Variants in IGSF23 observed in about 807,000 individuals in gnomAD.
The protein encoded by IGSF23 is immunoglobulin superfamily member 23, also known as immunoglobulin superfamily, member 23.
Under a neutral mutation model 17.8 loss-of-function variants are expected in IGSF23, and 14 were observed. The observed-to-expected ratio is 0.79, with a 90% CI of 0.52 to 1.23. The LOEUF is 1.23. Among genes scored for constraint, IGSF23 ranks in the 50% most tolerant of loss-of-function variants. The pLI is 0.00. For synonymous variants in IGSF23, 85 were observed against 92.5 expected (o/e 0.92, Z 0.46); for missense variants, 214 against 241.7 (o/e 0.89, Z 0.76).
At chr19:44,622,959 C>T (rs919663667) in intron 1 of IGSF23, among the ~76,000 whole-genome samples, 16 of 152,176 alleles carry the variant, frequency 1.1e-4, no homozygotes, top group African/African-American at 3.9e-4. Flanking sequence ...CGGGTTTACC[C>T]CACCCCCAGT....
At chr19:44,615,538 G>C (rs1211628096) in intron 1 of IGSF23, among the ~76,000 whole-genome samples, 1 of 151,680 alleles carries the variant, frequency 6.6e-6, no homozygotes, top group African/African-American at 2.4e-5. Flanking sequence ...CAGGAGAATT[G>C]CTTGAACCCA....
chr19:44,613,666 C>T lies in IGSF23; in HGVS notation c.21C>T (p.Ser7=), dbSNP rs955921207. 1.9e-5 allele frequency: 30 copies of T among 1,549,168 alleles called. No homozygotes were observed. Among genetic ancestry groups the T allele is most frequent in the African/African-American group, 2.7e-5 (2 of 73,030 alleles). ...AGAGAATGAGAGCAAAACCTCAGAG[C>T]CCCCTTCCCAGGAACCCTGTCCCAG... is the stretch of plus-strand genomic sequence containing the variant. The part of the protein sequence containing the change: MRAKPQ[S]PLPRNPVPAW... The change falls in exon 1 of 5, where the codon AGC becomes AGT. Residue 7 remains serine (S), a synonymous_variant. Coordinates refer to ENST00000402988, the MANE Select transcript of IGSF23 (RefSeq NM_001205280.2).
chr19:44,614,068 C>A, intron 1 of IGSF23: 1 of 1,215,598 alleles, frequency 8.2e-7, no homozygotes, highest in South Asian at 1.3e-5. Flanking sequence ...AAGTCACCCC[C>A]ACTCAGAGCT....
intron 3 of IGSF23, among the ~76,000 whole-genome samples, chr19:44,633,088 C>T (rs1156242322): frequency 6.6e-6 from 1 of 152,174 alleles, no homozygotes; most frequent in East Asian, 1.9e-4. Flanking sequence ...ATTACTAGAC[C>T]CATCTGTAAA....
At chr19:44,623,026 T>C (rs1474512173) in intron 1 of IGSF23, among the ~76,000 whole-genome samples, 4 of 152,096 alleles carry the variant, frequency 2.6e-5, no homozygotes, top group African/African-American at 7.2e-5. Flanking sequence ...CTATATATAC[T>C]TGTCAGTTTG....
intron 1 of IGSF23, chr19:44,618,164 C>T: frequency 4.2e-6 from 2 of 471,148 alleles, no homozygotes; most frequent in South Asian, 3.1e-5. Context: ...GAGCCAGTGT[C>T]CATCTTCCTG....
chr19:44,613,961 A>G lies in IGSF23; in HGVS notation c.125+191A>G. ...TCCTCTGGACGTCAGCTCCAGCCAC[A>G]CCCCTACCTGGAGGAAGCTGCTTTT... is the stretch of plus-strand genomic sequence containing the variant. On this transcript the variant is annotated intron_variant, in intron 1 of 4. Transcript: ENST00000402988. 1.9e-6 allele frequency: 3 copies of G among 1,541,854 alleles called. No individual in the cohort carries two copies. The South Asian group carries it at 3.6e-5, about 19-fold the overall frequency.
rs116393344 is a variant in IGSF23, at chr19:44,629,250, G to A, written c.545+1677G>A. 2.2e-3 allele frequency among the ~76,000 whole-genome samples: 339 copies of A among 152,230 alleles called. 2 individuals carry two copies. Among genetic ancestry groups the A allele is most frequent in the African/African-American group, 7.9e-3 (330 of 41,540 alleles). The stretch of plus-strand genomic sequence containing the variant: ...CCTATATGTTGGCTAGTACTACAAC[G>A]CTATTAATATCTTACCATCAGCAAG... On this transcript the variant is annotated intron_variant, in intron 3 of 4. Coordinates refer to ENST00000402988, the MANE Select transcript of IGSF23 (RefSeq NM_001205280.2).
chr19:44,623,379 C>T (rs914983901), intron 1 of IGSF23, among the ~76,000 whole-genome samples: 7 of 152,202 alleles, frequency 4.6e-5, no homozygotes, highest in East Asian at 1.9e-4. Context: ...TATATACCAA[C>T]GTGTCCTGGC....
intron 3 of IGSF23, among the ~76,000 whole-genome samples, chr19:44,634,942 T>G (rs1972853470): frequency 2.0e-5 from 3 of 152,044 alleles, no homozygotes; most frequent in African/African-American, 7.2e-5. Context: ...TCAATAAACC[T>G]CAGCCATGTG....
chr19:44,623,790 AG>A lies in IGSF23; in HGVS notation c.210del (p.Gln70HisfsTer4). 6.4e-7 allele frequency: 1 copy of A among 1,550,984 alleles called. No individual in the cohort carries two copies. The highest frequency in any genetic ancestry group is 8.7e-7 in the Non-Finnish European group (1 of 1,147,080). On this transcript the variant is annotated frameshift_variant, in exon 2 of 5. Transcript: ENST00000402988. LOFTEE classifies it high-confidence loss of function. ...GAGCTCAACTATTCTGTGATCCTGC[AG>A]TGGGTGGTGACAATGGACCCTGAGC... The part of the protein sequence containing the change: ...QSELNYSVIL[Q>X]WVVTMDPEPV...
intron 3 of IGSF23, among the ~76,000 whole-genome samples, chr19:44,634,216 C>T (rs1423149377): frequency 6.6e-6 from 1 of 152,204 alleles, no homozygotes; most frequent in African/African-American, 2.4e-5. Flanking sequence ...GGGCCCAGGA[C>T]AGGCCCCTCA....
chr19:44,616,357 T>G (rs886661813), intron 1 of IGSF23, among the ~76,000 whole-genome samples: 1 of 152,334 alleles, frequency 6.6e-6, no homozygotes, highest in Middle Eastern at 3.4e-3. Flanking sequence ...TTGTTTTTTG[T>G]GATGCCTTGT....
chr19:44,617,989 T>C, intron 1 of IGSF23: 1 of 424,198 alleles, frequency 2.4e-6, no homozygotes, highest in South Asian at 1.7e-5. Context: ...AAACCAATTT[T>C]TGCAACATCC....
rs548723049 is a variant in IGSF23, at chr19:44,634,987, G to A, written c.546-414G>A. Among the ~76,000 whole-genome samples the A allele has an allele frequency of 2.6e-5, 4 of 152,246 alleles. No homozygotes were observed. The South Asian group carries it at 8.3e-4, about 32-fold the overall frequency. ...ATTGTATTAGTTTGCTCCAGCTGCT[G>A]TAACAAAAATGCTACAGACCGGGGG... On this transcript the variant is annotated intron_variant, in intron 3 of 4. Transcript: ENST00000402988.
At chr19:44,618,276 G>A (rs1972432300) in intron 1 of IGSF23, 9 of 445,266 alleles carry the variant, frequency 2.0e-5, no homozygotes, top group Non-Finnish European at 4.2e-5. Flanking sequence ...CCCAGGACCT[G>A]CTCACACTGG....
intron 1 of IGSF23, chr19:44,618,033 G>A (rs1390131630): frequency 2.1e-6 from 1 of 469,162 alleles, no homozygotes; most frequent in East Asian, 7.0e-5. Flanking sequence ...AAGGGGTCAA[G>A]GAGAGGAATC....
chr19:44,636,086 T>C lies in IGSF23; in HGVS notation c.*32-333T>C, dbSNP rs544703675. ...GCAGGGTGACCCAAGCTTGTTCACA[T>C]GGCAGAGGCAGGATTCCAAGAGTAA... On this transcript the variant is annotated intron_variant, in intron 4 of 4. Transcript: ENST00000402988. Among the ~76,000 whole-genome samples, 4 of 152,304 alleles carry C rather than the reference T, an allele frequency of 2.6e-5. No individual in the cohort carries two copies. In the East Asian group the frequency reaches 5.8e-4, roughly 22 times the overall value.
chr19:44,635,005 A>T (rs1310733440), intron 3 of IGSF23, among the ~76,000 whole-genome samples: 4 of 152,024 alleles, frequency 2.6e-5, no homozygotes, highest in Non-Finnish European at 4.4e-5. Flanking sequence ...AATGCTACAG[A>T]CCGGGGGGGC....
Sources: allele counts gnomAD v4.1 joint callset (sites outside exome capture counted in the v4.1 genomes callset), GRCh38; gene constraint gnomAD v4.1.1; transcripts MANE v1.5; gene names NCBI Gene and HGNC (gene_info 2026-07-23, HGNC 2026-07-21).